DLGAP2: variants seen among roughly 807,000 people sequenced by gnomAD.
DLGAP2 encodes DLG associated protein 2.
DLGAP2 carries 26 observed loss-of-function variants against 100.3 expected under a neutral mutation model. The observed-to-expected ratio is 0.26, with a 90% CI of 0.19 to 0.36. The LOEUF is 0.36. DLGAP2 is among the 10% of genes least tolerant of loss of function. The probability of loss-of-function intolerance (pLI) is 1.00; values close to 1 mark genes in which losing one functional copy is unlikely to be tolerated. For synonymous variants in DLGAP2, 886 were observed against 630.1 expected (o/e 1.41, Z -6.08); for missense variants, 1,858 against 1,453.2 (o/e 1.28, Z -4.53).
At chr8:966,751 G>C (rs1799881762) in intron 2 of DLGAP2, among the ~76,000 whole-genome samples, 1 of 152,226 alleles carries the variant, frequency 6.6e-6, no homozygotes, top group African/African-American at 2.4e-5. Flanking sequence ...GACTGAGAGT[G>C]AGCATCTGCC....
chr8:968,236 C>A (rs1370999270), intron 2 of DLGAP2, among the ~76,000 whole-genome samples: 1 of 152,148 alleles, frequency 6.6e-6, no homozygotes, highest in Non-Finnish European at 1.5e-5. Flanking sequence ...ATGATTATGA[C>A]AGCTATGCCC....
intron 2 of DLGAP2, among the ~76,000 whole-genome samples, chr8:1,068,307 G>A (rs1803318428): frequency 6.6e-6 from 1 of 152,178 alleles, no homozygotes; most frequent in Non-Finnish European, 1.5e-5. Context: ...CAGCTCATCT[G>A]GGTAAATATG....
Position 1,682,479 on chromosome 8 carries a change from A to T in DLGAP2, c.2704+3850A>T, listed in dbSNP as rs867163745. ...ATTCCAAAATCTTAGGATATATAGT[A>T]TTTTTTTTTTTTTGAGAGGGAGTCT... On this transcript the variant is annotated intron_variant, in intron 12 of 14. Transcript: ENST00000637795. 2.9e-3 allele frequency among the ~76,000 whole-genome samples: 435 copies of T among 148,430 alleles called. 3 individuals carry two copies. The highest frequency in any genetic ancestry group is 1.0e-2 in the African/African-American group (405 of 40,596).
At chr8:1,313,046 C>T (rs1388461137) in intron 3 of DLGAP2, among the ~76,000 whole-genome samples, 2 of 152,232 alleles carry the variant, frequency 1.3e-5, no homozygotes, top group African/African-American at 4.8e-5. Context: ...GCACATGTGC[C>T]TGCCGGCCAC....
intron 2 of DLGAP2, among the ~76,000 whole-genome samples, chr8:1,066,117 C>G: frequency 6.6e-6 from 1 of 151,992 alleles, no homozygotes; most frequent in African/African-American, 2.4e-5. Flanking sequence ...AGCTCCCCAC[C>G]ACGGTCAGGT....
At chr8:1,194,935 C>T (rs866009674) in intron 2 of DLGAP2, among the ~76,000 whole-genome samples, 5 of 152,262 alleles carry the variant, frequency 3.3e-5, no homozygotes, top group African/African-American at 1.2e-4. Context: ...TTGTCAACTA[C>T]CAACGGACAG....
chr8:975,458 A>G (rs1800138563), intron 2 of DLGAP2, among the ~76,000 whole-genome samples: 1 of 152,196 alleles, frequency 6.6e-6, no homozygotes, highest in African/African-American at 2.4e-5. Flanking sequence ...GGATCACTGC[A>G]GACCAGTATT....
chr8:1,287,528 A>AGTGT (rs72312295), intron 3 of DLGAP2, among the ~76,000 whole-genome samples: 13,439 of 66,998 alleles, frequency 0.2, 1,810 homozygotes, highest in Middle Eastern at 0.25. Context: ...GTTTTGGTTC[A>AGTGT]GTGTGTGTGT....
intron 1 of DLGAP2, among the ~76,000 whole-genome samples, chr8:842,677 T>C (rs1797004597): frequency 2.0e-5 from 3 of 152,206 alleles, no homozygotes; most frequent in Non-Finnish European, 2.9e-5. Flanking sequence ...GAGATTCTTA[T>C]TATCTGTTCT....
At chr8:1,617,265 A>G (rs543508683) in intron 6 of DLGAP2, among the ~76,000 whole-genome samples, 21 of 152,298 alleles carry the variant, frequency 1.4e-4, no homozygotes, top group Middle Eastern at 6.8e-3. Context: ...GCTGGGTCAG[A>G]TGGTAGTTCT....
chr8:1,580,603 T>C (rs1282123698), intron 6 of DLGAP2, among the ~76,000 whole-genome samples: 1 of 152,144 alleles, frequency 6.6e-6, no homozygotes, highest in Non-Finnish European at 1.5e-5. Context: ...ATTAGAAAGA[T>C]AGATCACATC....
At chr8:781,614 G>T (rs993903299) in intron 1 of DLGAP2, among the ~76,000 whole-genome samples, 1 of 152,110 alleles carries the variant, frequency 6.6e-6, no homozygotes, top group African/African-American at 2.4e-5. Flanking sequence ...GGTGGGGAGC[G>T]CTGAGCCCAT....
rs1798596027 is a variant in DLGAP2, at chr8:1,668,306, C to G, written c.1811-23C>G. 8.9e-6 allele frequency: 13 copies of G among 1,461,762 alleles called. No homozygotes were observed. In the Admixed American group the frequency reaches 3.3e-4, roughly 37 times the overall value. The allele number at this position is 1,461,762 out of a possible 1,614,324, so 90.5% of individuals were successfully genotyped here. On this transcript the variant is annotated intron_variant, in intron 8 of 14. Transcript: ENST00000637795. Reference sequence around the variant, plus strand: ...TGACGGGGAAGAACACGCCTGTTGACTTGGGACTTTCTTTTCTTACAGCTG... The same window carrying G: ...TGACGGGGAAGAACACGCCTGTTGAGTTGGGACTTTCTTTTCTTACAGCTG...
intron 3 of DLGAP2, among the ~76,000 whole-genome samples, chr8:1,480,269 T>C (rs1439994305): frequency 2.0e-5 from 3 of 152,178 alleles, no homozygotes; most frequent in African/African-American, 7.2e-5. Context: ...TATGTCTCTT[T>C]GGAGTCCACA....
At chr8:1,357,401 C>CTTTTT (rs5888828) in intron 3 of DLGAP2, among the ~76,000 whole-genome samples, 6 of 144,586 alleles carry the variant, frequency 4.1e-5, no homozygotes, top group African/African-American at 1.5e-4. Flanking sequence ...GGTGCCAAAT[C>CTTTTT]TTTTTTTTTT....
Position 1,663,068 on chromosome 8 carries a change from T to G in DLGAP2, c.1811-5261T>G, listed in dbSNP as rs546012893. On this transcript the variant is annotated intron_variant, in intron 8 of 14. Transcript: ENST00000637795. The stretch of plus-strand genomic sequence containing the variant: ...GCCTGTGTGTACACATAGTGTGGGG[T>G]GTGTGTGCGTTTGTACATGTGTGTG... Among the ~76,000 whole-genome samples the G allele has an allele frequency of 6.4e-5, 8 of 124,636 alleles. No homozygotes were observed. The South Asian group carries it at 1.6e-3, about 25-fold the overall frequency. The allele number at this position is 124,636 out of a possible 152,430, so 81.8% of individuals were successfully genotyped here.
At chr8:1,225,891 G>C (rs191371936) in intron 2 of DLGAP2, among the ~76,000 whole-genome samples, 3 of 152,204 alleles carry the variant, frequency 2.0e-5, no homozygotes, top group South Asian at 4.1e-4. Flanking sequence ...TAGCCATTCC[G>C]TAATGTATGC....
At chr8:1,222,671 G>T (rs1463760144) in intron 2 of DLGAP2, among the ~76,000 whole-genome samples, 2 of 152,132 alleles carry the variant, frequency 1.3e-5, no homozygotes, top group Non-Finnish European at 2.9e-5. Flanking sequence ...GTGCATGCTG[G>T]CAGGGGAAAG....
intron 1 of DLGAP2, among the ~76,000 whole-genome samples, chr8:803,186 C>T (rs774703315): frequency 4.9e-4 from 75 of 152,236 alleles, no homozygotes; most frequent in Non-Finnish European, 7.6e-4. Context: ...CCCCAGGCCC[C>T]GTCAGGGTCA....
Sources: allele counts gnomAD v4.1 joint callset (sites outside exome capture counted in the v4.1 genomes callset), GRCh38; gene constraint gnomAD v4.1.1; transcripts MANE v1.5; gene names NCBI Gene and HGNC (gene_info 2026-07-23, HGNC 2026-07-21).